Variants in TFCP2 observed in about 807,000 individuals in gnomAD.
The protein encoded by TFCP2 is alpha-globin transcription factor CP2.
TFCP2 carries 33 observed loss-of-function variants against 73.4 expected under a neutral mutation model. That is an observed-to-expected ratio of 0.45 (90% CI 0.34 to 0.60). The LOEUF (loss-of-function observed/expected upper bound fraction) is 0.60, where lower values mean the gene tolerates loss of function less well. Among genes scored for constraint, TFCP2 ranks in the 20% least tolerant of loss-of-function variants. The pLI is 0.01. For missense variants in TFCP2, 352 were observed against 604.0 expected, an observed-to-expected ratio of 0.58 and a Z score of 4.37; for synonymous variants, 193 against 211.6, an observed-to-expected ratio of 0.91 and a Z score of 0.76.
chr12:51,114,733 C>A (rs1940479600), intron 4 of TFCP2, among the ~76,000 whole-genome samples: 1 of 152,000 alleles, frequency 6.6e-6, no homozygotes, highest in South Asian at 2.1e-4. Flanking sequence ...CAATGAGATA[C>A]TACTTCACAA....
chr12:51,109,001 C>T (rs970494119), intron 6 of TFCP2, 120 bp downstream of exon 6: 1 of 1,140,040 alleles, frequency 8.8e-7, no homozygotes, highest in African/African-American at 1.5e-5. Context: ...CTAGCTTAGA[C>T]TTTTTGCGTG....
intron 1 of TFCP2, among the ~76,000 whole-genome samples, chr12:51,155,721 G>A (rs1941521710): frequency 6.6e-6 from 1 of 152,150 alleles, no homozygotes; most frequent in African/African-American, 2.4e-5. Context: ...TTTTGTTGAT[G>A]ATTTTTACAT....
intron 1 of TFCP2, among the ~76,000 whole-genome samples, chr12:51,154,419 C>A (rs1447769555): frequency 6.6e-6 from 1 of 152,172 alleles, no homozygotes; most frequent in Non-Finnish European, 1.5e-5. Flanking sequence ...TGTGGCTGGG[C>A]ACAGTGGCTC....
At chr12:51,140,775 G>C (rs1377412523) in intron 1 of TFCP2, among the ~76,000 whole-genome samples, 2 of 151,686 alleles carry the variant, frequency 1.3e-5, no homozygotes, top group Non-Finnish European at 2.9e-5. Context: ...AAATTTTTTG[G>C]TTGGGCACAG....
intron 1 of TFCP2, among the ~76,000 whole-genome samples, chr12:51,136,302 TAA>T (rs11312082): frequency 1.6e-3 from 217 of 136,622 alleles, no homozygotes; most frequent in Non-Finnish European, 1.6e-3. Flanking sequence ...AGACTCTAAA[TAA>T]AAAAAAAAAA....
chr12:51,145,668 C>CTTAA, intron 1 of TFCP2, among the ~76,000 whole-genome samples: 2 of 151,412 alleles, frequency 1.3e-5, no homozygotes, highest in African/African-American at 4.8e-5. Flanking sequence ...GAACTTTAGG[C>CTTAA]CAGGCATGGT....
At chr12:51,140,445 CTTTTTTTTTT>C (rs768526922) in intron 1 of TFCP2, among the ~76,000 whole-genome samples, 29 of 88,030 alleles carry the variant, frequency 3.3e-4, no homozygotes, top group African/African-American at 1.3e-3. Flanking sequence ...TTTTCTTTTT[CTTTTTTTTTT>C]TTTTTTTTTT....
chr12:51,149,709 C>CG (rs1941381749), intron 1 of TFCP2, among the ~76,000 whole-genome samples: 1 of 152,090 alleles, frequency 6.6e-6, no homozygotes, highest in African/African-American at 2.4e-5. Flanking sequence ...AAGCGATTCT[C>CG]GTGCCACATC....
intron 1 of TFCP2, among the ~76,000 whole-genome samples, chr12:51,134,007 A>G (rs1941009087): frequency 6.6e-6 from 1 of 152,136 alleles, no homozygotes; most frequent in Admixed American, 6.5e-5. Flanking sequence ...CAACTGGATA[A>G]GAAAACAAAC....
At chr12:51,100,013 G>A (rs925109112) in intron 11 of TFCP2, among the ~76,000 whole-genome samples, 3 of 151,878 alleles carry the variant, frequency 2.0e-5, no homozygotes, top group African/African-American at 7.3e-5. Flanking sequence ...TGAACTTTTG[G>A]CTTTTCCTGA....
At position 51,098,688 on chromosome 12, in the gene TFCP2, G is replaced by A. The variant is rs548195409; in HGVS notation, c.1419+88C>T. ...ATGAAACCCTCTGATCTAGAAAACA[G>A]AACACTCTGCCCCAGGAGAACTGCT... On this transcript the variant is annotated intron_variant, in intron 13 of 14. Transcript: ENST00000257915. 25 of 1,449,134 alleles carry A rather than the reference G, an allele frequency of 1.7e-5. No individual in the cohort carries two copies. The African/African-American group carries it at 3.4e-4, about 20-fold the overall frequency. 89.8% of individuals were successfully genotyped at this position (1,449,134 alleles called of 1,614,324 possible).
chr12:51,145,175 T>G (rs1230379794), intron 1 of TFCP2, among the ~76,000 whole-genome samples: 1 of 138,334 alleles, frequency 7.2e-6, no homozygotes. Context: ...CACTCCAGCC[T>G]CGGGGACAGA....
At chr12:51,106,766 C>T in intron 7 of TFCP2, 153 bp from the exon 8 acceptor site, 1 of 634,580 alleles carries the variant, frequency 1.6e-6, no homozygotes, top group Non-Finnish European at 2.7e-6. Flanking sequence ...CTCTTTCCGC[C>T]ATCTTGGAGC....
At chr12:51,113,747 T>G (rs1359438447) in intron 4 of TFCP2, among the ~76,000 whole-genome samples, 1 of 152,142 alleles carries the variant, frequency 6.6e-6, no homozygotes, top group Non-Finnish European at 1.5e-5. Flanking sequence ...CAAATAAGTA[T>G]TCAAATATAT....
At chr12:51,148,572 C>T (rs1255822824) in intron 1 of TFCP2, among the ~76,000 whole-genome samples, 5 of 151,586 alleles carry the variant, frequency 3.3e-5, no homozygotes, top group African/African-American at 9.7e-5. Flanking sequence ...TGGTGGCGGG[C>T]GCCTGTAGTC....
chr12:51,135,622 G>A lies in TFCP2; in HGVS notation c.123-16850C>T, dbSNP rs115110334. ...CAGCTGAACATCAGAATCACCTGGGGAGCTTTAGGCCATATCCCATGTCAA... is the reference window on the plus strand; with the variant it reads ...CAGCTGAACATCAGAATCACCTGGGAAGCTTTAGGCCATATCCCATGTCAA... On this transcript the variant is annotated intron_variant, in intron 1 of 14. Transcript: ENST00000257915. Among the ~76,000 whole-genome samples, 1,496 of 152,218 alleles carry A rather than the reference G, an allele frequency of 9.8e-3. 27 individuals carry two copies. The highest frequency in any genetic ancestry group is 0.034 in the African/African-American group (1,413 of 41,532).
chr12:51,103,795 A>G lies in TFCP2; in HGVS notation c.967-32T>C, dbSNP rs762632706. On this transcript the variant is annotated intron_variant, in intron 9 of 14. Coordinates refer to ENST00000257915, the MANE Select transcript of TFCP2 (RefSeq NM_005653.5). ...GGGAGAGCACGTTTTTTAGATAACC[A>G]AATAGATTTGTCTGTTACCCCATTA... 5.8e-6 allele frequency: 9 copies of G among 1,560,862 alleles called. No homozygotes were observed. In the South Asian group the frequency reaches 1.0e-4, roughly 18 times the overall value.
At chr12:51,162,445 C>CAAAAA (rs34045047) in intron 1 of TFCP2, among the ~76,000 whole-genome samples, 2 of 109,758 alleles carry the variant, frequency 1.8e-5, no homozygotes, top group African/African-American at 3.4e-5. Context: ...GACTCCATCT[C>CAAAAA]AAAAAAAAAA....
rs1411549118 is a variant in TFCP2, at chr12:51,162,378, G to A, written c.122+9923C>T. ...GGAGACTTGCCTGAACCCAGGAGGT[G>A]GAGGTTGCAGTGAGCCAAAATGGCG... On this transcript the variant is annotated intron_variant, in intron 1 of 14. Transcript: ENST00000257915. Among the ~76,000 whole-genome samples, 3 of 151,832 alleles carry A rather than the reference G, an allele frequency of 2.0e-5. No individual in the cohort carries two copies. The East Asian group carries it at 5.8e-4, about 29-fold the overall frequency.
Sources: gnomAD v4.1 joint callset for allele counts (sites outside exome capture counted in the v4.1 genomes callset) on GRCh38, gnomAD v4.1.1 for gene constraint, MANE v1.5 for transcripts, NCBI Gene and HGNC (gene_info 2026-07-23, HGNC 2026-07-21) for gene names.